Variants in SNX6 observed in about 807,000 individuals in gnomAD.
SNX6 encodes the protein sorting nexin 6, also known as sorting nexin-6.
SNX6 carries 34 observed loss-of-function variants against 63.0 expected under a neutral mutation model. The observed-to-expected ratio is 0.54, with a 90% CI of 0.41 to 0.72. The LOEUF is 0.72. Among genes scored for constraint, SNX6 ranks in the 30% least tolerant of loss-of-function variants. SNX6 has a pLI of 0.00. For synonymous variants in SNX6, 170 were observed against 164.2 expected (o/e 1.04, Z -0.27); for missense variants, 398 against 471.4 (o/e 0.84, Z 1.44).
intron 2 of SNX6, among the ~76,000 whole-genome samples, chr14:34,628,500 G>A (rs775435835): frequency 6.6e-6 from 1 of 151,970 alleles, no homozygotes; most frequent in Non-Finnish European, 1.5e-5. Context: ...ATGGTGGCCC[G>A]TGCCAGTAGT....
chr14:34,565,366 C>T (rs1327214434), intron 13 of SNX6, among the ~76,000 whole-genome samples: 3 of 151,298 alleles, frequency 2.0e-5, no homozygotes, highest in Non-Finnish European at 2.9e-5. Flanking sequence ...CGTGAGCCAC[C>T]GCGCCCGGCT....
At chr14:34,574,375 T>C (rs1881593653) in intron 11 of SNX6, among the ~76,000 whole-genome samples, 1 of 148,038 alleles carries the variant, frequency 6.8e-6, no homozygotes, top group African/African-American at 2.5e-5. Flanking sequence ...CCTTTCGCAG[T>C]ATGTGGCTCA....
At chr14:34,576,927 C>CA (rs1308357525) in intron 10 of SNX6, among the ~76,000 whole-genome samples, 1 of 150,436 alleles carries the variant, frequency 6.6e-6, no homozygotes, top group Non-Finnish European at 1.5e-5. Flanking sequence ...ACTAAAAATA[C>CA]AAAAATTAGC....
At position 34,597,754 on chromosome 14, in the gene SNX6, T is replaced by C. The variant is rs568792427; in HGVS notation, c.517-109A>G. ...TCAAAAGGATCCTAGTTTTTAATCT[T>C]AATAAAGTGGAAATTTCATCATGCA... On this transcript the variant is annotated intron_variant, in intron 6 of 13. Transcript: ENST00000362031. The C allele has an allele frequency of 5.5e-5, 35 of 631,702 alleles. No individual in the cohort carries two copies. The Admixed American group carries it at 7.3e-4, about 13-fold the overall frequency. The allele number at this position is 631,702 out of a possible 1,614,324, so 39.1% of individuals were successfully genotyped here.
chr14:34,617,922 A>C (rs1594748701), intron 2 of SNX6, among the ~76,000 whole-genome samples: 1 of 150,636 alleles, frequency 6.6e-6, no homozygotes, highest in East Asian at 1.9e-4. Flanking sequence ...CTGCCTCCAA[A>C]AAAAAAAAAA....
chr14:34,618,088 GAAGA>G (rs930542295), intron 2 of SNX6, among the ~76,000 whole-genome samples: 1 of 152,120 alleles, frequency 6.6e-6, no homozygotes, highest in African/African-American at 2.4e-5. Context: ...AAAGAGGAAG[GAAGA>G]AAGAAAATAA....
intron 13 of SNX6, 61 bp downstream of exon 13, chr14:34,567,625 T>C: frequency 7.8e-7 from 1 of 1,282,758 alleles, no homozygotes; most frequent in East Asian, 2.5e-5. Flanking sequence ...ATCAATGTCA[T>C]AACTGATTCA....
intron 2 of SNX6, among the ~76,000 whole-genome samples, chr14:34,620,949 AT>A (rs1213029252): frequency 1.3e-5 from 2 of 152,116 alleles, no homozygotes; most frequent in Non-Finnish European, 2.9e-5. Context: ...CAAAAAAAAA[AT>A]AAAAAATAAA....
intron 6 of SNX6, among the ~76,000 whole-genome samples, chr14:34,598,252 G>A (rs1276834876): frequency 6.6e-6 from 1 of 152,154 alleles, no homozygotes; most frequent in Non-Finnish European, 1.5e-5. Flanking sequence ...TGCTGTATCA[G>A]GGTGCCCCAT....
At chr14:34,609,110 G>A (rs952103723) in intron 3 of SNX6, among the ~76,000 whole-genome samples, 1 of 151,948 alleles carries the variant, frequency 6.6e-6, no homozygotes, top group African/African-American at 2.4e-5. Context: ...AACAAGAATG[G>A]TAAAAGATAC....
At chr14:34,580,904 C>T (rs1881908599) in intron 10 of SNX6, among the ~76,000 whole-genome samples, 1 of 152,184 alleles carries the variant, frequency 6.6e-6, no homozygotes, top group Non-Finnish European at 1.5e-5. Flanking sequence ...GATCCTCCTG[C>T]CTCAGCCTCC....
At chr14:34,607,272 A>G (rs541353015) in intron 4 of SNX6, among the ~76,000 whole-genome samples, 7 of 152,192 alleles carry the variant, frequency 4.6e-5, no homozygotes, top group East Asian at 3.9e-4. Flanking sequence ...TTAAAAAAAC[A>G]TATCAGGCTG....
chr14:34,564,571 C>A lies in SNX6; in HGVS notation c.1168-1396G>T, dbSNP rs141337129. Among the ~76,000 whole-genome samples the A allele has an allele frequency of 3.3e-3, 502 of 152,060 alleles. 3 individuals are homozygous for A. The highest frequency in any genetic ancestry group is 0.012 in the African/African-American group (488 of 41,522). On this transcript the variant is annotated intron_variant, in intron 13 of 13. Coordinates refer to ENST00000362031, the MANE Select transcript of SNX6 (RefSeq NM_152233.4). ...GGCCAGGCGCGGTGGTTCACGCCTG[C>A]AATCCCAGCACTCTGGGAAGCCGAG...
rs561675800 is a variant in SNX6 at position 34,584,858 on chromosome 14, C to CT, written c.794+1371dup. ...TATCAACCCAAGTTTTTTCTTTTTT[C>CT]TTTTTTTTTCTGAGATGGAATTTTG... On this transcript the variant is annotated intron_variant, in intron 9 of 13. Coordinates refer to ENST00000362031, the MANE Select transcript of SNX6 (RefSeq NM_152233.4). Among the ~76,000 whole-genome samples, 231 of 149,282 alleles carry CT rather than the reference C, an allele frequency of 1.5e-3. 3 individuals are homozygous for CT. The highest frequency in any genetic ancestry group is 5.3e-3 in the African/African-American group (215 of 40,620).
intron 11 of SNX6, among the ~76,000 whole-genome samples, chr14:34,570,326 A>G (rs1275022676): frequency 1.3e-5 from 2 of 151,370 alleles, no homozygotes; most frequent in Admixed American, 6.6e-5. Flanking sequence ...TCTGCCTCCC[A>G]AAGTGCTGGG....
intron 2 of SNX6, among the ~76,000 whole-genome samples, chr14:34,618,389 C>T (rs542544664): frequency 2.7e-4 from 41 of 152,094 alleles, no homozygotes; most frequent in Admixed American, 8.5e-4. Flanking sequence ...CTTGCTCTGT[C>T]GCCAAGGCTG....
chr14:34,629,213 G>A (rs1249046710), intron 2 of SNX6, among the ~76,000 whole-genome samples: 2 of 151,922 alleles, frequency 1.3e-5, no homozygotes, highest in Non-Finnish European at 2.9e-5. Flanking sequence ...CAATGTATTC[G>A]TGTATTAAAA....
intron 8 of SNX6, among the ~76,000 whole-genome samples, chr14:34,586,573 T>C (rs955383653): frequency 5.9e-5 from 9 of 151,878 alleles, no homozygotes; most frequent in African/African-American, 2.2e-4. Flanking sequence ...CCAGGTGTGG[T>C]TGCACATGCC....
chr14:34,580,171 G>C (rs1366795723), intron 10 of SNX6, among the ~76,000 whole-genome samples: 1 of 152,166 alleles, frequency 6.6e-6, no homozygotes, highest in Non-Finnish European at 1.5e-5. Context: ...GGGTGAAAGA[G>C]CAAGACTCCG....
Sources: gnomAD v4.1 joint callset for allele counts (sites outside exome capture counted in the v4.1 genomes callset) on GRCh38, gnomAD v4.1.1 for gene constraint, MANE v1.5 for transcripts, NCBI Gene and HGNC (gene_info 2026-07-23, HGNC 2026-07-21) for gene names.